The following ME2 variants were observed in gnomAD, a reference collection of about 807,000 sequenced individuals.
ME2 encodes the protein NAD-dependent malic enzyme, mitochondrial.
ME2 carries 60 observed loss-of-function variants against 73.7 expected under a neutral mutation model. That is an observed-to-expected ratio of 0.81 (90% confidence interval 0.66 to 1.01). The LOEUF is 1.01. Among genes scored for constraint, ME2 ranks in the 50% least tolerant of loss-of-function variants. The pLI is 0.00. For synonymous variants in ME2, 199 were observed against 236.9 expected, an observed-to-expected ratio of 0.84 and a Z score of 1.47; for missense variants, 594 against 705.5, an observed-to-expected ratio of 0.84 and a Z score of 1.79.
intron 1 of ME2, among the ~76,000 whole-genome samples, chr18:50,889,146 T>TC (rs908220483): frequency 8.5e-5 from 13 of 152,080 alleles, no homozygotes; most frequent in South Asian, 6.2e-4. Flanking sequence ...ATTAATTCCC[T>TC]CCCCCCCATG....
chr18:50,925,036 C>T (rs955567074), intron 11 of ME2, among the ~76,000 whole-genome samples: 2 of 152,076 alleles, frequency 1.3e-5, no homozygotes, highest in Admixed American at 6.5e-5. Flanking sequence ...CTTTTTGTCT[C>T]TATGAATTTA....
chr18:50,904,411 T>C (rs1290705823), intron 2 of ME2, among the ~76,000 whole-genome samples: 1 of 151,882 alleles, frequency 6.6e-6, no homozygotes, highest in African/African-American at 2.4e-5. Context: ...CCCAAGTAGC[T>C]GGGACTACAG....
At chr18:50,883,493 T>C (rs1204034925) in intron 1 of ME2, among the ~76,000 whole-genome samples, 1 of 152,208 alleles carries the variant, frequency 6.6e-6, no homozygotes, top group Non-Finnish European at 1.5e-5. Flanking sequence ...GTAGTTCTTT[T>C]GTCTGTGCTT....
chr18:50,906,883 T>C, intron 2 of ME2, among the ~76,000 whole-genome samples: 1 of 152,280 alleles, frequency 6.6e-6, no homozygotes, highest in East Asian at 1.9e-4. Context: ...TTTCAGGTCT[T>C]TCCTGGATGT....
At chr18:50,924,728 A>T (rs527882202) in intron 11 of ME2, among the ~76,000 whole-genome samples, 1 of 149,350 alleles carries the variant, frequency 6.7e-6, no homozygotes, top group African/African-American at 2.5e-5. Context: ...ACAGAGTCTC[A>T]CTCTGTCACT....
At position 50,925,918 on chromosome 18, in the gene ME2, T is replaced by A. The variant is rs770951379; in HGVS notation, c.1314+20T>A. ...ACAGAGGTATTAATAATCACATGAA[T>A]TGATATGTATATTATTTTCCCTCCA... On this transcript the variant is annotated intron_variant, in intron 12 of 15. Coordinates refer to ENST00000321341, the MANE Select transcript of ME2 (RefSeq NM_002396.5). 2.6e-6 allele frequency: 4 copies of A among 1,544,964 alleles called. No homozygotes were observed. In the Admixed American group the frequency reaches 6.7e-5, roughly 26 times the overall value.
At chr18:50,942,682 C>CT (rs1049390810) in intron 15 of ME2, 13 of 293,548 alleles carry the variant, frequency 4.4e-5, no homozygotes, top group South Asian at 1.5e-4. Flanking sequence ...CTAACAAAGA[C>CT]TTTTTTTTCT....
At position 50,947,378 on chromosome 18, in the gene ME2, CTA is replaced by C; in HGVS notation, c.*195_*196del. The C allele has an allele frequency of 5.2e-6, 3 of 576,348 alleles. No individual in the cohort carries two copies. Among genetic ancestry groups the C allele is most frequent in the Non-Finnish European group, 6.1e-6 (2 of 325,522 alleles). 35.7% of individuals were successfully genotyped at this position (576,348 alleles called of 1,614,324 possible). On this transcript the variant is annotated 3_prime_UTR_variant, in exon 16 of 16. Coordinates refer to ENST00000321341, the MANE Select transcript of ME2 (RefSeq NM_002396.5). ...ATTGATTGCATTGCCCACCAGCACC[CTA>C]CAGTCAGATAGTTGTGATGCTTTAA...
In ME2 at chr18:50,951,121, T is replaced by C. The variant is rs1349069886; in HGVS notation, c.*3937T>C. On this transcript the variant is annotated 3_prime_UTR_variant, in exon 16 of 16. Transcript: ENST00000321341. ...CATACTTAGTAAACTTAGTAACCAA[T>C]TTTCATTTGTAAAAGATTAGCTATC... 2.0e-5 allele frequency: 3 copies of C among 152,252 alleles called. No individual in the cohort carries two copies. The highest frequency in any genetic ancestry group is 7.2e-5 in the African/African-American group (3 of 41,472). 9.4% of individuals were successfully genotyped at this position (152,252 alleles called of 1,614,324 possible). A position where few individuals can be genotyped will look rare whatever the true frequency, so the allele number is the denominator to read the frequency against.
At position 50,952,513 on chromosome 18, in the gene ME2, T is replaced by C. The variant is rs1470700393; in HGVS notation, c.*5329T>C. The C allele has an allele frequency of 2.0e-5, 3 of 152,354 alleles. No homozygotes were observed. The highest frequency in any genetic ancestry group is 7.2e-5 in the African/African-American group (3 of 41,592). 9.4% of individuals were successfully genotyped at this position (152,354 alleles called of 1,614,324 possible). A position where few individuals can be genotyped will look rare whatever the true frequency, so the allele number is the denominator to read the frequency against. ...GACACATTAAGTCAAGTGATTTGAA[T>C]GCTTAGTGTCTTTTGGTAAACAGCA... On this transcript the variant is annotated 3_prime_UTR_variant, in exon 16 of 16. Coordinates refer to ENST00000321341, the MANE Select transcript of ME2 (RefSeq NM_002396.5).
chr18:50,911,108 G>C (rs557308124), intron 3 of ME2, among the ~76,000 whole-genome samples: 68 of 152,308 alleles, frequency 4.5e-4, no homozygotes, highest in African/African-American at 1.6e-3. Flanking sequence ...AATAAGGATT[G>C]AAAGTGGTAA....
intron 1 of ME2, among the ~76,000 whole-genome samples, chr18:50,893,421 C>A (rs1294416227): frequency 1.3e-5 from 2 of 152,096 alleles, no homozygotes; most frequent in Non-Finnish European, 2.9e-5. Context: ...ATGAATAAGA[C>A]CATTCAGATG....
chr18:50,941,087 G>A (rs1285421832), intron 15 of ME2, among the ~76,000 whole-genome samples: 11 of 151,280 alleles, frequency 7.3e-5, no homozygotes, highest in African/African-American at 2.2e-4. Context: ...GTGAAACCCC[G>A]TCTCTACTAA....
intron 13 of ME2, chr18:50,939,233 G>T: frequency 1.2e-5 from 2 of 165,530 alleles, no homozygotes; most frequent in East Asian, 3.3e-4. Flanking sequence ...AAAAAAAATT[G>T]TCATTGCCTC....
chr18:50,946,970 A>C (rs753668103), intron 15 of ME2, 47 bp from the exon 16 acceptor site: 1 of 1,363,252 alleles, frequency 7.3e-7, no homozygotes, highest in East Asian at 2.3e-5. Context: ...TGTCTCTCTA[A>C]TAGGTTAATA....
At chr18:50,928,137 A>G (rs1217458395) in intron 12 of ME2, among the ~76,000 whole-genome samples, 3 of 149,224 alleles carry the variant, frequency 2.0e-5, no homozygotes, top group Non-Finnish European at 4.5e-5. Flanking sequence ...GAATATGTGA[A>G]TTGCAATTAA....
At chr18:50,897,267 C>T (rs180885244) in intron 2 of ME2, among the ~76,000 whole-genome samples, 50 of 152,146 alleles carry the variant, frequency 3.3e-4, no homozygotes, top group African/African-American at 6.3e-4. Flanking sequence ...GTGCTATGGG[C>T]GCATTTGATA....
intron 14 of ME2, 194 bp from the exon 15 acceptor site, chr18:50,940,094 T>G (rs1417164065): frequency 1.8e-6 from 1 of 551,824 alleles, no homozygotes; most frequent in Non-Finnish European, 3.2e-6. Context: ...AATCAATAAG[T>G]CTTTAAATCT....
intron 2 of ME2, among the ~76,000 whole-genome samples, chr18:50,899,502 A>T (rs1599094223): frequency 6.6e-6 from 1 of 152,148 alleles, no homozygotes; most frequent in Non-Finnish European, 1.5e-5. Context: ...CTATAGTTTC[A>T]GCTACTCAGG....
Sources: allele counts gnomAD v4.1 joint callset (sites outside exome capture counted in the v4.1 genomes callset), GRCh38; gene constraint gnomAD v4.1.1; transcripts MANE v1.5; gene names NCBI Gene and HGNC (gene_info 2026-07-23, HGNC 2026-07-21).